AADAC: variants seen among roughly 807,000 people sequenced by gnomAD.
AADAC encodes arylacetamide deacetylase (esterase).
In AADAC, 17 loss-of-function variants were observed where a neutral mutation model predicts 22.7. The observed-to-expected ratio is 0.75, with a 90% CI of 0.51 to 1.12. The LOEUF is 1.12. Among genes scored for constraint, AADAC ranks in the 50% most tolerant of loss-of-function variants. AADAC has a pLI of 0.00. For synonymous variants in AADAC, 167 were observed against 176.3 expected, an observed-to-expected ratio of 0.95 and a Z score of 0.42; for missense variants, 465 against 473.9, an observed-to-expected ratio of 0.98 and a Z score of 0.17.
chr3:151,814,322 T>C, intron 1 of AADAC, 22 bp downstream of exon 1: 1 of 1,604,622 alleles, frequency 6.2e-7, no homozygotes. Flanking sequence ...ATTTTATGAA[T>C]TCAGATGTGC....
At chr3:151,817,303 G>A in intron 1 of AADAC, 63 bp from the exon 2 acceptor site, 1 of 1,409,340 alleles carries the variant, frequency 7.1e-7, no homozygotes, top group Non-Finnish European at 1.0e-6. Context: ...CTACCTATAA[G>A]TCCATAGATC....
intron 1 of AADAC, 30 bp from the exon 2 acceptor site, chr3:151,817,336 T>G (rs775671020): frequency 6.3e-7 from 1 of 1,582,824 alleles, no homozygotes; most frequent in Non-Finnish European, 8.7e-7. Flanking sequence ...GATACTTGAA[T>G]TTCAGGAGGT....
Position 151,827,823 on chromosome 3 carries a change from GT to G in AADAC, c.853del (p.Ser285ProfsTer8), listed in dbSNP as rs764622419. ...CATCTCTTCAAATTTGTTAATTGGA[GT>G]TCCCTGCTCCCTGAGAGGTTTATAA... ...SSHLFKFVNW[S>X]SLLPERFIKG... is the part of the protein sequence containing the mutation. On this transcript the variant is annotated frameshift_variant, in exon 5 of 5. Transcript: ENST00000232892. LOFTEE classifies it low-confidence loss of function (END_TRUNC). The G allele has an allele frequency of 6.2e-7, 1 of 1,613,234 alleles. No individual in the cohort carries two copies. Among genetic ancestry groups the G allele is most frequent in the Non-Finnish European group, 8.5e-7 (1 of 1,179,568 alleles).
At chr3:151,825,244 C>T (rs1468199683) in intron 4 of AADAC, among the ~76,000 whole-genome samples, 11 of 151,116 alleles carry the variant, frequency 7.3e-5, no homozygotes, top group Non-Finnish European at 1.5e-4. Context: ...ATTAGCCTGG[C>T]ATAATAGTGT....
At chr3:151,825,687 C>T (rs1487633256) in intron 4 of AADAC, among the ~76,000 whole-genome samples, 2 of 151,606 alleles carry the variant, frequency 1.3e-5, no homozygotes, top group Non-Finnish European at 2.9e-5. Flanking sequence ...TTAATAATGG[C>T]AATATAATAA....
At position 151,824,584 on chromosome 3, in the gene AADAC, A is replaced by G. The variant is rs571954094; in HGVS notation, c.432-79A>G. ...GTGCAAAAGTTATTGCGGTTTTGTC[A>G]TTACTTTTGCACCAATAATATATTA... On this transcript the variant is annotated intron_variant, in intron 3 of 4. Coordinates refer to ENST00000232892, the MANE Select transcript of AADAC (RefSeq NM_001086.3). 56 of 1,186,888 alleles carry G rather than the reference A, an allele frequency of 4.7e-5. 1 individual carries two copies. The Admixed American group carries it at 9.9e-4, about 21-fold the overall frequency. 73.5% of individuals were successfully genotyped at this position (1,186,888 alleles called of 1,614,324 possible). A position where few individuals can be genotyped will look rare whatever the true frequency, so the allele number is the denominator to read the frequency against.
chr3:151,818,128 C>T (rs1391530474), intron 2 of AADAC, among the ~76,000 whole-genome samples: 1 of 151,346 alleles, frequency 6.6e-6, no homozygotes, highest in African/African-American at 2.4e-5. Context: ...ATTATCCCAG[C>T]TACTCGGGGG....
In AADAC at chr3:151,828,056, C is replaced by T. The variant is rs925748585; in HGVS notation, c.1084C>T (p.Gln362Ter). 4 of 1,613,060 alleles carry T rather than the reference C, an allele frequency of 2.5e-6. No individual in the cohort carries two copies. The highest frequency in any genetic ancestry group is 1.7e-5 in the Admixed American group (1 of 59,924). The change falls in exon 5 of 5, where the codon CAG becomes TAG. Residue 362 changes from glutamine (Q) to a stop codon, truncating the protein, a stop_gained. Transcript: ENST00000232892. LOFTEE classifies it low-confidence loss of function (END_TRUNC). ...YVTRLRNTGV[Q>*]VTHNHVEDGF... ...CACCCGACTTCGCAACACTGGGGTT[C>T]AGGTGACTCATAACCATGTTGAGGA...
rs750068075 is a variant in AADAC, at chr3:151,828,000, ATC to A, written c.1032_1033del (p.Leu345LysfsTer3). 4.3e-6 allele frequency: 7 copies of A among 1,613,116 alleles called. No individual in the cohort carries two copies. The South Asian group carries it at 5.5e-5, about 13-fold the overall frequency. ...ACCTATGTCATCACCTGTCAATATG[ATC>A]TCTTAAGAGATGATGGACTCATGTA... On this transcript the variant is annotated frameshift_variant, in exon 5 of 5. Transcript: ENST00000232892. LOFTEE classifies it low-confidence loss of function (END_TRUNC).
At chr3:151,823,439 C>CAATTAATA (rs1459755557) in intron 3 of AADAC, among the ~76,000 whole-genome samples, 1 of 151,434 alleles carries the variant, frequency 6.6e-6, no homozygotes, top group Non-Finnish European at 1.5e-5. Flanking sequence ...AAACACCTAC[C>CAATTAATA]AATTAATAGA....
chr3:151,819,233 G>A (rs1716131827), intron 2 of AADAC, among the ~76,000 whole-genome samples: 1 of 151,974 alleles, frequency 6.6e-6, no homozygotes, highest in African/African-American at 2.4e-5. Flanking sequence ...AAAGCACTGA[G>A]GTGGTCAAAA....
chr3:151,814,425 C>A lies in AADAC; in HGVS notation c.138+125C>A, dbSNP rs555595388. On this transcript the variant is annotated intron_variant, in intron 1 of 4. Transcript: ENST00000232892. ...TCATCTTTTAAAATAACTGCTGTGG[C>A]CTTTGACAATGTGTTACTTAGAAAT... 41 of 1,027,514 alleles carry A rather than the reference C, an allele frequency of 4.0e-5. 1 individual carries two copies. In the African/African-American group the frequency reaches 6.0e-4, roughly 15 times the overall value. The allele number at this position is 1,027,514 out of a possible 1,614,324, so 63.6% of individuals were successfully genotyped here.
intron 1 of AADAC, 21 bp downstream of exon 1, chr3:151,814,321 A>G (rs1373749586): frequency 1.9e-6 from 3 of 1,604,956 alleles, no homozygotes; most frequent in Non-Finnish European, 2.6e-6. Context: ...AATTTTATGA[A>G]TTCAGATGTG....
intron 3 of AADAC, among the ~76,000 whole-genome samples, chr3:151,822,973 G>A (rs1303598398): frequency 6.6e-6 from 1 of 151,830 alleles, no homozygotes; most frequent in Non-Finnish European, 1.5e-5. Context: ...GAATATCTCA[G>A]TAAAATGGTT....
rs374000994 is a variant in AADAC, at chr3:151,817,372, T to G, written c.145T>G (p.Phe49Val). ...HLKTIQNLAT[F>V]VELLGLHHFM... ...TTGTGAATTTCATTTTTAGGCTACA[T>G]TTGTGGAGCTCCTGGGACTTCACCA... Residue 49 changes from phenylalanine to valine, a missense_variant, in exon 2 of 5, where the codon TTT becomes GTT. By Grantham distance (50) the Phe-to-Val change is conservative (BLOSUM62 -1). Transcript: ENST00000232892. 6.2e-6 allele frequency: 10 copies of G among 1,612,090 alleles called. No homozygotes were observed. The highest frequency in any genetic ancestry group is 7.6e-6 in the Non-Finnish European group (9 of 1,178,372).
Position 151,817,455 on chromosome 3 carries a change from T to A in AADAC, c.228T>A (p.Asp76Glu), listed in dbSNP as rs1186474392. Residue 76 changes from aspartate to glutamate, a missense_variant, in exon 2 of 5, where the codon GAT (aspartate) becomes GAA (glutamate). Physicochemically the swap from Asp to Glu is conservative, Grantham distance 45. Coordinates refer to ENST00000232892, the MANE Select transcript of AADAC (RefSeq NM_001086.3). ...TTGATGAAGTCCCACCAACCTCAGA[T>A]GAAAATGTCACTGTGACTGAGACAA... The part of the protein sequence containing the change: ...GSFDEVPPTS[D>E]ENVTVTETKF... The A allele has an allele frequency of 6.2e-7, 1 of 1,613,792 alleles. No individual in the cohort carries two copies. Among genetic ancestry groups the A allele is most frequent in the Admixed American group, 1.7e-5 (1 of 59,998 alleles).
At chr3:151,825,347 C>T (rs1440142210) in intron 4 of AADAC, among the ~76,000 whole-genome samples, 1 of 151,812 alleles carries the variant, frequency 6.6e-6, no homozygotes, top group Non-Finnish European at 1.5e-5. Flanking sequence ...AAGGTGTAAT[C>T]GTGCCACTGT....
At chr3:151,817,940 C>A (rs1056403628) in intron 2 of AADAC, among the ~76,000 whole-genome samples, 3 of 151,908 alleles carry the variant, frequency 2.0e-5, no homozygotes, top group Non-Finnish European at 4.4e-5. Flanking sequence ...ATTTTTATAT[C>A]TTTGAATATA....
At chr3:151,820,923 A>G in intron 3 of AADAC, among the ~76,000 whole-genome samples, 1 of 150,916 alleles carries the variant, frequency 6.6e-6, no homozygotes, top group Non-Finnish European at 1.5e-5. Flanking sequence ...TAACCTGATT[A>G]GAGTTGAGAA....
Sources: gnomAD v4.1 joint callset for allele counts (sites outside exome capture counted in the v4.1 genomes callset) on GRCh38, gnomAD v4.1.1 for gene constraint, MANE v1.5 for transcripts, NCBI Gene and HGNC (gene_info 2026-07-23, HGNC 2026-07-21) for gene names.